COLEC10: variants seen among roughly 807,000 people sequenced by gnomAD.
COLEC10 encodes collectin-10.
In COLEC10, 22 loss-of-function variants were observed where a neutral mutation model predicts 28.4. That is an observed-to-expected ratio of 0.78 (90% CI 0.55 to 1.11). The LOEUF (loss-of-function observed/expected upper bound fraction) is 1.11. COLEC10 is among the 50% of genes least tolerant of loss of function. COLEC10 has a pLI of 0.00. For synonymous variants in COLEC10, 125 were observed against 116.1 expected, an observed-to-expected ratio of 1.08 and a Z score of -0.49; for missense variants, 361 against 344.1, an observed-to-expected ratio of 1.05 and a Z score of -0.39.
chr8:118,958,487 C>A, the COLEC10 span, among the ~76,000 whole-genome samples: 1 of 152,180 alleles, frequency 6.6e-6, no homozygotes, highest in Non-Finnish European at 1.5e-5. Context: ...CTTACTTGTT[C>A]TAACTCCTGT....
At chr8:119,031,036 C>CA (rs1343616133) in intron 2 of COLEC10, among the ~76,000 whole-genome samples, 1 of 152,152 alleles carries the variant, frequency 6.6e-6, no homozygotes, top group African/African-American at 2.4e-5. Context: ...AGAGTGATGC[C>CA]AGTGTTACAT....
chr8:118,980,968 T>G, the COLEC10 span, among the ~76,000 whole-genome samples: 1 of 151,876 alleles, frequency 6.6e-6, no homozygotes, highest in East Asian at 1.9e-4. Flanking sequence ...AGCATTTTTT[T>G]GTCTAACTTA....
chr8:118,983,892 TA>T, the COLEC10 span, among the ~76,000 whole-genome samples: 1 of 152,178 alleles, frequency 6.6e-6, no homozygotes, highest in Non-Finnish European at 1.5e-5. Context: ...GGTGGGAATG[TA>T]AATTAGTTCA....
At chr8:118,978,651 T>C in the COLEC10 span, among the ~76,000 whole-genome samples, 3,782 of 152,194 alleles carry the variant, frequency 0.025, 77 homozygotes, top group Non-Finnish European at 0.04. Context: ...ATTATATATA[T>C]ACACATATAT....
chr8:119,076,835 A>G (rs377015173), intron 1 of COLEC10, among the ~76,000 whole-genome samples: 52 of 152,332 alleles, frequency 3.4e-4, no homozygotes, highest in Middle Eastern at 3.4e-3. Flanking sequence ...AAACGACAGG[A>G]CAACCAAAAG....
chr8:119,108,035 T>G lies in COLEC10; in HGVS notation c.*1844T>G, dbSNP rs1815986617. 6.6e-6 allele frequency among the ~76,000 whole-genome samples: 1 copy of G among 152,026 alleles called. No homozygotes were observed. Among genetic ancestry groups the G allele is most frequent in the Non-Finnish European group, 1.5e-5 (1 of 67,972 alleles). On this transcript the variant is annotated 3_prime_UTR_variant, in exon 6 of 6. Transcript: ENST00000332843. ...AGAATGTCATTAGGATATGATGACA[T>G]GAAAGTCAAGATATCCCATTAATAC...
At chr8:118,992,068 A>C (rs1308917329), upstream of COLEC10, among the ~76,000 whole-genome samples, 1 of 152,148 alleles carries the variant, frequency 6.6e-6, no homozygotes, top group African/African-American at 2.4e-5. Context: ...TTTTTGAGTC[A>C]TTAAACTTCT....
chr8:119,048,835 C>T (rs1244090321), intron 2 of COLEC10, among the ~76,000 whole-genome samples: 1 of 152,132 alleles, frequency 6.6e-6, no homozygotes, highest in Non-Finnish European at 1.5e-5. Flanking sequence ...AGCCCATTTA[C>T]ATTCAGGATT....
chr8:119,034,690 C>T (rs977376604), intron 2 of COLEC10, among the ~76,000 whole-genome samples: 1 of 152,178 alleles, frequency 6.6e-6, no homozygotes, highest in Non-Finnish European at 1.5e-5. Context: ...GCCTGGGTGA[C>T]AGAGTGAGAC....
At chr8:119,040,840 A>G (rs929276776) in intron 2 of COLEC10, among the ~76,000 whole-genome samples, 12 of 152,190 alleles carry the variant, frequency 7.9e-5, no homozygotes, top group Non-Finnish European at 1.6e-4. Context: ...CCACAGGGTT[A>G]GTGTAGTGGG....
chr8:118,997,368 A>C (rs998963775), intron 1 of COLEC10, among the ~76,000 whole-genome samples: 5 of 152,188 alleles, frequency 3.3e-5, no homozygotes, highest in Non-Finnish European at 5.9e-5. Flanking sequence ...TGTCATATCC[A>C]ATAAATCATT....
At chr8:118,966,353 A>G in the COLEC10 span, among the ~76,000 whole-genome samples, 1 of 152,152 alleles carries the variant, frequency 6.6e-6, no homozygotes, top group Non-Finnish European at 1.5e-5. Context: ...ACAACTACAA[A>G]CAAAACAGAA....
At chr8:119,101,975 A>G (rs1815838060) in intron 3 of COLEC10, among the ~76,000 whole-genome samples, 1 of 149,510 alleles carries the variant, frequency 6.7e-6, no homozygotes, top group Non-Finnish European at 1.5e-5. Context: ...TCAGAAGGCC[A>G]TGTTATTAAA....
chr8:119,100,928 G>T (rs966922827), intron 3 of COLEC10, among the ~76,000 whole-genome samples: 12 of 152,122 alleles, frequency 7.9e-5, no homozygotes, highest in African/African-American at 2.4e-4. Context: ...GCTCAGTTTA[G>T]AAAGGCTCAA....
chr8:119,032,830 A>G (rs1293458122), intron 2 of COLEC10, among the ~76,000 whole-genome samples: 1 of 152,178 alleles, frequency 6.6e-6, no homozygotes, highest in Admixed American at 6.6e-5. Context: ...TGAACCTGGG[A>G]GGCGGAGCTT....
rs1814034637 is a variant in COLEC10, at chr8:119,018,610, A to G, written n.235+9057A>G. Among the ~76,000 whole-genome samples the G allele has an allele frequency of 4.6e-5, 7 of 152,240 alleles. No homozygotes were observed. In the South Asian group the frequency reaches 1.4e-3, roughly 31 times the overall value. ...GGGGAATAGTTTCTGAAAACAAAAA[A>G]TGGATATGTCTTGTGACTTGATTTT... On this transcript the variant is annotated intron_variant and non_coding_transcript_variant, in intron 2 of 6. Transcript: ENST00000521788.
At chr8:119,037,757 C>A (rs918640664) in intron 2 of COLEC10, among the ~76,000 whole-genome samples, 28 of 152,222 alleles carry the variant, frequency 1.8e-4, no homozygotes, top group African/African-American at 6.8e-4. Flanking sequence ...GCATCCTATG[C>A]ACTTACTTTG....
chr8:118,957,359 C>T, the COLEC10 span, among the ~76,000 whole-genome samples: 13 of 152,280 alleles, frequency 8.5e-5, no homozygotes, highest in South Asian at 1.9e-3. Context: ...GTAATGGTGA[C>T]GGCTATGAAG....
chr8:119,065,855 C>CA (rs3083298), upstream of COLEC10, among the ~76,000 whole-genome samples: 28,753 of 137,364 alleles, frequency 0.21, 3,108 homozygotes, highest in African/African-American at 0.29. Flanking sequence ...GACTCCATCT[C>CA]AAAAAAAAAA....
Sources: allele counts gnomAD v4.1 joint callset (sites outside exome capture counted in the v4.1 genomes callset), GRCh38; gene constraint gnomAD v4.1.1; transcripts MANE v1.5; gene names NCBI Gene and HGNC (gene_info 2026-07-23, HGNC 2026-07-21).